TCF7: variants seen among roughly 807,000 people sequenced by gnomAD.
TCF7 encodes the protein transcription factor 7.
TCF7 carries 19 observed loss-of-function variants against 46.8 expected under a neutral mutation model. The observed-to-expected ratio is 0.41, with a 90% CI of 0.28 to 0.60. TCF7 has a LOEUF of 0.60. Among genes scored for constraint, TCF7 ranks in the 20% least tolerant of loss-of-function variants. TCF7 has a pLI of 0.35. For synonymous variants in TCF7, 245 were observed against 213.4 expected, an observed-to-expected ratio of 1.15 and a Z score of -1.29; for missense variants, 547 against 504.6, an observed-to-expected ratio of 1.08 and a Z score of -0.81.
Position 134,147,968 on chromosome 5 carries a change from C to A in TCF7, c.*1665C>A, listed in dbSNP as rs2149368841. 1 of 94,506 alleles carries A rather than the reference C, an allele frequency of 1.1e-5. No individual in the cohort carries two copies. The highest frequency in any genetic ancestry group is 4.6e-5 in the African/African-American group (1 of 21,734). 5.9% of individuals were successfully genotyped at this position (94,506 alleles called of 1,614,324 possible). ...TCCAGTCTGGGTAACAGGGAGACTG[C>A]ATCTCAAAAAAAAAAAAAAAAAAAA... is the stretch of plus-strand genomic sequence containing the variant. On this transcript the variant is annotated 3_prime_UTR_variant, in exon 10 of 10. Transcript: ENST00000342854.
chr5:134,115,022 A>G lies in TCF7; in HGVS notation c.116A>G (p.Asp39Gly), dbSNP rs1755604472. Residue 39 changes from aspartate to glycine, a missense_variant, in exon 1 of 10, where the codon GAC becomes GGC. Physicochemically the swap from Asp to Gly is moderately conservative, Grantham distance 94. Around this residue, in one of 3 missense-constraint regions of TCF7, gnomAD observed 425 missense variants for 349.9 expected, o/e 1.21. Transcript: ENST00000342854. ...GAGGAGCAGGACGACAAGAGCCGCG[A>G]CAGCGCCGCCGGTCCCGAGCGCGAC... is the stretch of plus-strand genomic sequence containing the variant. ...EGEEQDDKSRDSAAGPERDLA... is the reference protein window; with the variant it reads ...EGEEQDDKSRGSAAGPERDLA... 1.6e-6 allele frequency: 2 copies of G among 1,257,452 alleles called. No homozygotes were observed. The highest frequency in any genetic ancestry group is 1.5e-5 in the South Asian group (1 of 66,674). The allele number at this position is 1,257,452 out of a possible 1,614,324, so 77.9% of individuals were successfully genotyped here. A position where few individuals can be genotyped will look rare whatever the true frequency, so the allele number is the denominator to read the frequency against.
upstream of TCF7, among the ~76,000 whole-genome samples, chr5:134,111,637 G>T (rs1244227948): frequency 2.0e-5 from 3 of 152,142 alleles, no homozygotes; most frequent in Admixed American, 6.5e-5. Flanking sequence ...CCACCAAGAT[G>T]ATTCCCTAAT....
intron 3 of TCF7, among the ~76,000 whole-genome samples, chr5:134,120,304 T>C (rs1756390540): frequency 6.6e-6 from 1 of 151,918 alleles, no homozygotes; most frequent in Admixed American, 6.6e-5. Context: ...CTAACCCCCA[T>C]CCTAAATCAC....
rs145656547 is a variant in TCF7, at chr5:134,115,359, G to A, written c.288G>A (p.Pro96=). ...AACACGCTGCGCAGAGACTCTTCCC[G>A]GACAAACTTCCAGAGCCCCTGGAGG... is the stretch of plus-strand genomic sequence containing the variant. ...GREHAAQRLF[P]DKLPEPLEDG... is the part of the protein sequence containing the mutation. Residue 96 remains proline (P), a synonymous_variant, in exon 2 of 10, where the codon CCG becomes CCA. Coordinates refer to ENST00000342854, the MANE Select transcript of TCF7 (RefSeq NM_003202.5). The A allele has an allele frequency of 1.9e-4, 308 of 1,601,406 alleles. No individual in the cohort carries two copies. The highest frequency in any genetic ancestry group is 2.4e-4 in the Non-Finnish European group (284 of 1,174,742).
At chr5:134,125,715 G>C (rs1423619224) in intron 3 of TCF7, among the ~76,000 whole-genome samples, 1 of 152,368 alleles carries the variant, frequency 6.6e-6, no homozygotes, top group East Asian at 1.9e-4. Flanking sequence ...GCACTGGGAG[G>C]GTGCTAGTCT....
At chr5:134,139,295 G>C in intron 5 of TCF7, 3 of 518,308 alleles carry the variant, frequency 5.8e-6, no homozygotes, top group Non-Finnish European at 1.0e-5. Flanking sequence ...TCCCAGCCCT[G>C]TCTCCCTCAG....
At chr5:134,144,791 G>A (rs758279822) in intron 9 of TCF7, 6 of 1,614,026 alleles carry the variant, frequency 3.7e-6, no homozygotes, top group Non-Finnish European at 5.1e-6. Context: ...GCATGGCTGT[G>A]AGCAGACCCT....
At chr5:134,142,014 G>A in intron 5 of TCF7, 171 bp from the exon 6 acceptor site, 2 of 846,292 alleles carry the variant, frequency 2.4e-6, no homozygotes, top group East Asian at 2.7e-5. Context: ...GTAGTGTGCT[G>A]GGAGCAGGTA....
At chr5:134,136,411 C>T (rs249609) in intron 3 of TCF7, among the ~76,000 whole-genome samples, 13,236 of 152,144 alleles carry the variant, frequency 0.087, 1,034 homozygotes, top group East Asian at 0.38. Context: ...ATGTAAGGCT[C>T]CTCCCGGTGG....
chr5:134,135,708 T>G (rs1300661403), intron 3 of TCF7, among the ~76,000 whole-genome samples: 1 of 151,678 alleles, frequency 6.6e-6, no homozygotes, highest in East Asian at 1.9e-4. Context: ...CCAAGTAGAG[T>G]TGAGTAAGCA....
intron 3 of TCF7, among the ~76,000 whole-genome samples, chr5:134,130,167 A>G (rs1425420919): frequency 6.6e-6 from 1 of 152,216 alleles, no homozygotes; most frequent in East Asian, 1.9e-4. Flanking sequence ...ACTCAGCCCT[A>G]CTGGAGTATA....
intron 5 of TCF7, chr5:134,141,312 G>A (rs1447873956): frequency 1.3e-5 from 2 of 153,512 alleles, no homozygotes; most frequent in African/African-American, 2.4e-5. Context: ...CAAGCAGTAA[G>A]GGGCAGAATG....
At position 134,115,471 on chromosome 5, in the gene TCF7, G is replaced by A. The variant is rs894384337; in HGVS notation, c.316+84G>A. The A allele has an allele frequency of 1.4e-4, 216 of 1,521,048 alleles. 1 individual carries two copies. The highest frequency in any genetic ancestry group is 6.5e-4 in the Admixed American group (32 of 49,508). The allele number at this position is 1,521,048 out of a possible 1,614,324, so 94.2% of individuals were successfully genotyped here. On this transcript the variant is annotated intron_variant, in intron 2 of 9. Transcript: ENST00000342854. ...ACGGGGACGCCAAGGACCGCGGGGA[G>A]CCGGGTGCCTCCCCCACCGCAGCTC... is the stretch of plus-strand genomic sequence containing the variant.
At chr5:134,136,621 C>T (rs904249825) in intron 3 of TCF7, among the ~76,000 whole-genome samples, 2 of 152,202 alleles carry the variant, frequency 1.3e-5, no homozygotes, top group African/African-American at 2.4e-5. Context: ...ACCCAGCCTT[C>T]CATCTAGGCT....
rs759475196 is a variant in TCF7 at position 134,135,252 on chromosome 5, C to T, written c.442-2807C>T. Among the ~76,000 whole-genome samples the T allele has an allele frequency of 6.6e-5, 10 of 152,324 alleles. No homozygotes were observed. The South Asian group carries it at 1.0e-3, about 16-fold the overall frequency. On this transcript the variant is annotated intron_variant, in intron 3 of 9. Transcript: ENST00000342854. ...TGGGATTACAGGCATGAAGCCACTG[C>T]GCCCAGCCCACAGAGAATTTTGTAG...
In TCF7 at chr5:134,115,097, G is replaced by A; in HGVS notation, c.191G>A (p.Gly64Asp). The A allele has an allele frequency of 2.8e-6, 3 of 1,082,970 alleles. No homozygotes were observed. The highest frequency in any genetic ancestry group is 3.4e-6 in the Non-Finnish European group (3 of 881,734). The allele number at this position is 1,082,970 out of a possible 1,614,324, so 67.1% of individuals were successfully genotyped here. ...SLVNESEGAAGGAGIPGVPGA... is the reference protein window; with the variant it reads ...SLVNESEGAADGAGIPGVPGA... Reference sequence around the variant, plus strand: ...GTGAACGAGTCCGAGGGCGCGGCCGGCGGCGCAGGGATCCCGGGGGTCCCG... The same window carrying A: ...GTGAACGAGTCCGAGGGCGCGGCCGACGGCGCAGGGATCCCGGGGGTCCCG... The change falls in exon 1 of 10, where the codon GGC becomes GAC. Residue 64 changes from glycine to aspartate, a missense_variant. Coordinates refer to ENST00000342854, the MANE Select transcript of TCF7 (RefSeq NM_003202.5).
At chr5:134,116,693 T>C (rs1755882933) in intron 3 of TCF7, among the ~76,000 whole-genome samples, 1 of 152,256 alleles carries the variant, frequency 6.6e-6, no homozygotes, top group Non-Finnish European at 1.5e-5. Context: ...AATTAAATAT[T>C]TTTAAGTCCC....
At chr5:134,140,262 C>T (rs1228091112) in intron 5 of TCF7, among the ~76,000 whole-genome samples, 1 of 152,162 alleles carries the variant, frequency 6.6e-6, no homozygotes, top group Non-Finnish European at 1.5e-5. Flanking sequence ...AGGTCCCTGC[C>T]CTCTCAGAAC....
Position 134,114,717 on chromosome 5 carries a change from A to G in TCF7, c.-190A>G, listed in dbSNP as rs1037349238. ...GGCGCCTTTGATGTTCCGACCCGCC[A>G]GCTCGCGGAGCCGCTCTGCCCCGCG... On this transcript the variant is annotated 5_prime_UTR_variant, in exon 1 of 10. Transcript: ENST00000342854. 64 of 365,052 alleles carry G rather than the reference A, an allele frequency of 1.8e-4. No individual in the cohort carries two copies. The highest frequency in any genetic ancestry group is 1.6e-3 in the African/African-American group (59 of 37,308). 22.6% of individuals were successfully genotyped at this position (365,052 alleles called of 1,614,324 possible).
Sources: allele counts gnomAD v4.1 joint callset (sites outside exome capture counted in the v4.1 genomes callset), GRCh38; gene constraint gnomAD v4.1.1; regional missense constraint gnomAD v4.1.1; transcripts MANE v1.5; gene names NCBI Gene and HGNC (gene_info 2026-07-23, HGNC 2026-07-21).